ADAM32: variants seen among roughly 807,000 people sequenced by gnomAD.
ADAM32 encodes ADAM metallopeptidase domain 32.
Under a neutral mutation model 114.9 loss-of-function variants are expected in ADAM32, and 89 were observed. The ratio of observed to expected loss-of-function variants is 0.77; its 90% CI spans 0.65 to 0.92. ADAM32 has a LOEUF of 0.92. Ranked by LOEUF, ADAM32 falls within the 40% of genes least tolerant of loss-of-function variation. ADAM32 has a pLI of 0.00. For synonymous variants in ADAM32, 285 were observed against 307.5 expected (o/e 0.93, Z 0.77); for missense variants, 870 against 932.8 (o/e 0.93, Z 0.88).
At chr8:39,179,783 C>T (rs1203376394) in intron 10 of ADAM32, among the ~76,000 whole-genome samples, 1 of 152,190 alleles carries the variant, frequency 6.6e-6, no homozygotes, top group Non-Finnish European at 1.5e-5. Flanking sequence ...CCTAGTCAGT[C>T]CCAGTGTAAG....
At chr8:39,225,788 A>ATT (rs11446055) in intron 14 of ADAM32, among the ~76,000 whole-genome samples, 74 of 150,282 alleles carry the variant, frequency 4.9e-4, no homozygotes, top group Admixed American at 1.1e-3. Context: ...ATGGAGTAAG[A>ATT]TTTTTTTTTT....
chr8:39,225,746 A>G (rs1312950621), intron 14 of ADAM32, among the ~76,000 whole-genome samples: 1 of 151,844 alleles, frequency 6.6e-6, no homozygotes, highest in Non-Finnish European at 1.5e-5. Context: ...GAACCATCCA[A>G]CTCTACCCTT....
intron 23 of ADAM32, among the ~76,000 whole-genome samples, chr8:39,281,868 T>A (rs1813440235): frequency 6.6e-6 from 1 of 152,218 alleles, no homozygotes; most frequent in East Asian, 1.9e-4. Flanking sequence ...TTCAACCCAC[T>A]GCTATTCCAA....
chr8:39,176,979 G>A (rs975407521), intron 10 of ADAM32, among the ~76,000 whole-genome samples: 8 of 151,584 alleles, frequency 5.3e-5, no homozygotes, highest in African/African-American at 4.8e-5. Flanking sequence ...TTGGTTTAAA[G>A]TCTGTTTTGT....
chr8:39,173,512 AT>A (rs375144943), intron 10 of ADAM32, among the ~76,000 whole-genome samples: 7 of 149,474 alleles, frequency 4.7e-5, no homozygotes, highest in Non-Finnish European at 7.4e-5. Flanking sequence ...CCACTTTTTA[AT>A]TTTTTTTCTT....
chr8:39,135,839 C>T (rs1802767651), intron 2 of ADAM32, among the ~76,000 whole-genome samples: 1 of 152,108 alleles, frequency 6.6e-6, no homozygotes, highest in African/African-American at 2.4e-5. Flanking sequence ...CTCATGACAT[C>T]ATATCATGGG....
intron 17 of ADAM32, among the ~76,000 whole-genome samples, chr8:39,249,516 T>C (rs1811153139): frequency 6.6e-6 from 1 of 152,154 alleles, no homozygotes. Flanking sequence ...ATAGAATGAG[T>C]GAGGAAGTAT....
chr8:39,238,205 G>A (rs1272413263), intron 16 of ADAM32, among the ~76,000 whole-genome samples: 4 of 152,200 alleles, frequency 2.6e-5, no homozygotes, highest in African/African-American at 9.6e-5. Context: ...ACCAGAGCAG[G>A]TGCTAGTATC....
chr8:39,184,022 AG>A (rs1423506780), intron 10 of ADAM32, among the ~76,000 whole-genome samples: 1 of 152,202 alleles, frequency 6.6e-6, no homozygotes, highest in Non-Finnish European at 1.5e-5. Flanking sequence ...CTAATCCAAC[AG>A]GGGCATAGTG....
intron 3 of ADAM32, among the ~76,000 whole-genome samples, chr8:39,144,062 G>T (rs907392350): frequency 6.6e-6 from 1 of 152,194 alleles, no homozygotes; most frequent in African/African-American, 2.4e-5. Flanking sequence ...TCTGCTGATT[G>T]CTAAGACTGT....
chr8:39,118,819 C>G lies in ADAM32; in HGVS notation c.138+654C>G, dbSNP rs576165587. On this transcript the variant is annotated intron_variant, in intron 2 of 24. Transcript: ENST00000379907. The stretch of plus-strand genomic sequence containing the variant: ...TAAGGGTACAACTCAACAATTATTA[C>G]AGCAGTACATAAATAGAATTGTGCA... Among the ~76,000 whole-genome samples the G allele has an allele frequency of 1.6e-4, 25 of 152,260 alleles. No homozygotes were observed. In the South Asian group the frequency reaches 5.0e-3, roughly 30 times the overall value.
intron 11 of ADAM32, among the ~76,000 whole-genome samples, chr8:39,202,108 C>T (rs1168508284): frequency 6.6e-6 from 1 of 152,134 alleles, no homozygotes; most frequent in African/African-American, 2.4e-5. Flanking sequence ...TGTATCTCTG[C>T]CAGGCTTTGG....
intron 7 of ADAM32, among the ~76,000 whole-genome samples, chr8:39,161,316 A>C (rs2129446024): frequency 6.6e-6 from 1 of 152,332 alleles, no homozygotes; most frequent in South Asian, 2.1e-4. Flanking sequence ...TAGTCTAGGG[A>C]ACATTCCACC....
At position 39,135,819 on chromosome 8, in the gene ADAM32, A is replaced by T. The variant is rs562594655; in HGVS notation, c.139-838A>T. 1.5e-3 allele frequency among the ~76,000 whole-genome samples: 233 copies of T among 152,320 alleles called. 1 individual carries two copies. The highest frequency in any genetic ancestry group is 2.6e-3 in the Non-Finnish European group (175 of 68,036). Reference sequence around the variant, plus strand: ...TTTAGGGAAGATTAACATAGAGATGAGGTGCTCTCCTCATGACATCATATC... The same window carrying T: ...TTTAGGGAAGATTAACATAGAGATGTGGTGCTCTCCTCATGACATCATATC... On this transcript the variant is annotated intron_variant, in intron 2 of 24. Transcript: ENST00000379907.
At chr8:39,112,221 A>C (rs968625156) in intron 1 of ADAM32, among the ~76,000 whole-genome samples, 2 of 152,182 alleles carry the variant, frequency 1.3e-5, no homozygotes, top group Non-Finnish European at 2.9e-5. Context: ...AAATGTAGAC[A>C]TATACGGTCC....
At chr8:39,254,944 T>C (rs1811550525) in intron 18 of ADAM32, among the ~76,000 whole-genome samples, 1 of 151,908 alleles carries the variant, frequency 6.6e-6, no homozygotes, top group Non-Finnish European at 1.5e-5. Flanking sequence ...CTCCCACTTA[T>C]GAGTGAGAAC....
At chr8:39,269,731 G>A (rs1251086116) in intron 19 of ADAM32, among the ~76,000 whole-genome samples, 1 of 152,194 alleles carries the variant, frequency 6.6e-6, no homozygotes, top group Non-Finnish European at 1.5e-5. Flanking sequence ...TTTATCTTCA[G>A]TGTCTTTGAT....
intron 14 of ADAM32, among the ~76,000 whole-genome samples, chr8:39,226,567 T>C (rs1302437776): frequency 2.6e-5 from 4 of 151,572 alleles, no homozygotes; most frequent in Admixed American, 6.6e-5. Flanking sequence ...TAATCCAACA[T>C]GTAAGTTGGA....
intron 10 of ADAM32, among the ~76,000 whole-genome samples, chr8:39,176,379 C>A (rs886280272): frequency 2.0e-5 from 3 of 152,086 alleles, no homozygotes; most frequent in African/African-American, 4.8e-5. Context: ...GATTCCGGTA[C>A]GTTGTCTCTT....
Sources: gnomAD v4.1 joint callset for allele counts (sites outside exome capture counted in the v4.1 genomes callset) on GRCh38, gnomAD v4.1.1 for gene constraint, MANE v1.5 for transcripts, NCBI Gene and HGNC (gene_info 2026-07-23, HGNC 2026-07-21) for gene names.